Variants in PSMD14 observed in about 807,000 individuals in gnomAD.
PSMD14 encodes the protein proteasome 26S subunit, non-ATPase 14, also known as ubiquitin C-terminal hydrolase PSMD14.
In PSMD14, 7 loss-of-function variants were observed where a neutral mutation model predicts 41.2. That is an observed-to-expected ratio of 0.17 (90% CI 0.10 to 0.32). PSMD14 has a LOEUF of 0.32. Ranked by LOEUF, PSMD14 falls within the 10% of genes least tolerant of loss-of-function variation. The pLI is 1.00. For synonymous variants in PSMD14, 114 were observed against 122.3 expected (o/e 0.93, Z 0.45); for missense variants, 139 against 375.6 (o/e 0.37, Z 5.21).
At chr2:161,365,253 CAT>C (rs1400422377) in intron 3 of PSMD14, among the ~76,000 whole-genome samples, 1 of 152,228 alleles carries the variant, frequency 6.6e-6, no homozygotes, top group African/African-American at 2.4e-5. Flanking sequence ...AGGCCACTGA[CAT>C]GTGGCTTGCT....
intron 8 of PSMD14, among the ~76,000 whole-genome samples, chr2:161,389,876 T>G (rs569675237): frequency 7.2e-6 from 1 of 139,112 alleles, no homozygotes; most frequent in Admixed American, 7.3e-5. Context: ...TCTTATTTTC[T>G]TTCTTTTTTG....
At chr2:161,354,557 A>G (rs994941288) in intron 3 of PSMD14, among the ~76,000 whole-genome samples, 3 of 152,150 alleles carry the variant, frequency 2.0e-5, no homozygotes, top group African/African-American at 2.4e-5. Context: ...GGAGACAGCC[A>G]TTTCCTATTC....
rs769459050 is a variant in PSMD14, at chr2:161,411,381, A to G, written c.914A>G (p.Asp305Gly). 12 of 1,607,088 alleles carry G rather than the reference A, an allele frequency of 7.5e-6. No homozygotes were observed. Among genetic ancestry groups the G allele is most frequent in the Non-Finnish European group, 1.0e-5 (12 of 1,175,598 alleles). ...GTCCAGTGTTTAGCAGCTATGTTGG[A>G]TACTGTCGTATTTAAATAAAGCAAC... ...NIVQCLAAML[D>G]TVVFK Residue 305 changes from aspartate to glycine, a missense_variant, in exon 12 of 12, where the codon GAT becomes GGT. Around this residue, in one of 4 missense-constraint regions of PSMD14, gnomAD observed 80 missense variants for 138.1 expected, o/e 0.58. Coordinates refer to ENST00000409682, the MANE Select transcript of PSMD14 (RefSeq NM_005805.6).
chr2:161,407,050 A>G (rs927371208), intron 10 of PSMD14, among the ~76,000 whole-genome samples: 5 of 152,052 alleles, frequency 3.3e-5, no homozygotes, highest in Admixed American at 2.6e-4. Context: ...CCTCCTTCCA[A>G]TACTGTAGTA....
intron 3 of PSMD14, among the ~76,000 whole-genome samples, chr2:161,347,973 A>G (rs1683068048): frequency 6.6e-6 from 1 of 152,230 alleles, no homozygotes; most frequent in South Asian, 2.1e-4. Flanking sequence ...GTATTAGTCA[A>G]TTATGTGAGC....
At chr2:161,325,312 A>AT (rs968180616) in intron 3 of PSMD14, among the ~76,000 whole-genome samples, 10 of 152,172 alleles carry the variant, frequency 6.6e-5, no homozygotes, top group African/African-American at 2.4e-4. Flanking sequence ...CGGTGGCTAG[A>AT]TAAAAAAAAA....
intron 7 of PSMD14, chr2:161,381,210 G>C (rs1683566678): frequency 6.7e-6 from 1 of 149,358 alleles, no homozygotes; most frequent in African/African-American, 2.4e-5. Context: ...CATATATGAT[G>C]AACTGAATAA....
At chr2:161,398,877 A>G (rs1011742097) in intron 10 of PSMD14, among the ~76,000 whole-genome samples, 2 of 152,106 alleles carry the variant, frequency 1.3e-5, no homozygotes, top group Non-Finnish European at 2.9e-5. Context: ...AGATATAAAT[A>G]TTGGGGAAAA....
At chr2:161,364,902 G>A (rs1189063757) in intron 3 of PSMD14, among the ~76,000 whole-genome samples, 8 of 151,920 alleles carry the variant, frequency 5.3e-5, no homozygotes, top group Admixed American at 2.0e-4. Context: ...TCAGGAGTTC[G>A]AGACCAGCCT....
At chr2:161,392,186 T>G (rs535737819) in intron 9 of PSMD14, among the ~76,000 whole-genome samples, 2 of 152,334 alleles carry the variant, frequency 1.3e-5, no homozygotes, top group East Asian at 3.9e-4. Flanking sequence ...TTCCCCCCTT[T>G]ACTATTACAA....
chr2:161,362,539 GA>G (rs1312889188), intron 3 of PSMD14, among the ~76,000 whole-genome samples: 4 of 152,140 alleles, frequency 2.6e-5, no homozygotes, highest in Non-Finnish European at 5.9e-5. Flanking sequence ...CTCTTTCAGG[GA>G]AAATATATGG....
chr2:161,329,312 A>G (rs1024624369), intron 3 of PSMD14, among the ~76,000 whole-genome samples: 1 of 152,164 alleles, frequency 6.6e-6, no homozygotes, highest in African/African-American at 2.4e-5. Context: ...ATTGTGTACA[A>G]TTAGTCTTTT....
chr2:161,320,444 G>T (rs1689190697), intron 3 of PSMD14, among the ~76,000 whole-genome samples: 1 of 152,054 alleles, frequency 6.6e-6, no homozygotes. Flanking sequence ...ATTGGTTTCT[G>T]ATTAATCAGC....
chr2:161,340,495 G>A (rs1007810928), intron 3 of PSMD14, among the ~76,000 whole-genome samples: 4 of 152,228 alleles, frequency 2.6e-5, no homozygotes, highest in Admixed American at 6.5e-5. Flanking sequence ...TGTGCAGGGT[G>A]TGTGGATAGC....
At chr2:161,410,443 A>G (rs1303462395) in intron 11 of PSMD14, among the ~76,000 whole-genome samples, 1 of 152,084 alleles carries the variant, frequency 6.6e-6, no homozygotes, top group Non-Finnish European at 1.5e-5. Context: ...AATCATTTAA[A>G]TTATAATTTT....
intron 10 of PSMD14, among the ~76,000 whole-genome samples, chr2:161,406,703 T>C (rs967837383): frequency 6.6e-6 from 1 of 152,158 alleles, no homozygotes; most frequent in African/African-American, 2.4e-5. Flanking sequence ...AGTATATGCC[T>C]AAATCTACAG....
chr2:161,323,538 C>G lies in PSMD14; in HGVS notation c.48+4665C>G, dbSNP rs950105167. On this transcript the variant is annotated intron_variant, in intron 3 of 11. Transcript: ENST00000409682. ...ATCACCTGGGTGTCGTGGTGCACAT[C>G]TGTAATCCCAGCTACTCAGGAGGCT... Among the ~76,000 whole-genome samples, 121 of 152,052 alleles carry G rather than the reference C, an allele frequency of 8.0e-4. 1 individual carries two copies. Among genetic ancestry groups the G allele is most frequent in the African/African-American group, 2.8e-3 (115 of 41,394 alleles).
At chr2:161,316,071 T>C (rs914483033) in intron 1 of PSMD14, among the ~76,000 whole-genome samples, 1 of 152,192 alleles carries the variant, frequency 6.6e-6, no homozygotes, top group Non-Finnish European at 1.5e-5. Flanking sequence ...CTCCAACTCC[T>C]GACCTCAGGT....
chr2:161,399,957 T>A (rs1683853116), intron 10 of PSMD14, among the ~76,000 whole-genome samples: 1 of 152,218 alleles, frequency 6.6e-6, no homozygotes, highest in South Asian at 2.1e-4. Context: ...ATAATTCCTA[T>A]CACGTTATCT....
Sources: gnomAD v4.1 joint callset for allele counts (sites outside exome capture counted in the v4.1 genomes callset) on GRCh38, gnomAD v4.1.1 for gene constraint, gnomAD v4.1.1 regional missense constraint, MANE v1.5 for transcripts, NCBI Gene and HGNC (gene_info 2026-07-23, HGNC 2026-07-21) for gene names.